Variants in NEGR1 observed in about 807,000 individuals in gnomAD.
The protein encoded by NEGR1 is neuronal growth regulator 1.
Under a neutral mutation model 40.9 loss-of-function variants are expected in NEGR1, and 10 were observed. The observed-to-expected ratio is 0.24, with a 90% confidence interval of 0.15 to 0.42. The LOEUF is 0.42. Ranked by LOEUF, NEGR1 falls within the 10% of genes least tolerant of loss-of-function variation. The pLI, the probability that NEGR1 is intolerant of heterozygous loss-of-function variation, is 1.00. For synonymous variants in NEGR1, 185 were observed against 166.8 expected, an observed-to-expected ratio of 1.11 and a Z score of -0.84; for missense variants, 352 against 438.9, an observed-to-expected ratio of 0.80 and a Z score of 1.77.
At chr1:72,015,085 AT>A (rs1646696935) in intron 1 of NEGR1, among the ~76,000 whole-genome samples, 2 of 146,888 alleles carry the variant, frequency 1.4e-5, no homozygotes, top group Admixed American at 1.4e-4. Flanking sequence ...TATTACTGAT[AT>A]TCAGAAAAAA....
chr1:71,977,214 T>C (rs1181804942), intron 1 of NEGR1, among the ~76,000 whole-genome samples: 1 of 152,032 alleles, frequency 6.6e-6, no homozygotes, highest in Non-Finnish European at 1.5e-5. Flanking sequence ...TAATCCAAGC[T>C]ACTTGGGAGG....
At chr1:71,668,956 A>G (rs768527689) in intron 4 of NEGR1, among the ~76,000 whole-genome samples, 107 of 152,168 alleles carry the variant, frequency 7.0e-4, no homozygotes, top group Non-Finnish European at 1.5e-3. Flanking sequence ...TTTGCTTGTT[A>G]TATCATTTAT....
At chr1:71,987,216 T>C (rs1405902001) in intron 1 of NEGR1, among the ~76,000 whole-genome samples, 1 of 152,216 alleles carries the variant, frequency 6.6e-6, no homozygotes, top group Non-Finnish European at 1.5e-5. Context: ...CTGTATGTTC[T>C]ATAACCTTCA....
At chr1:71,598,718 A>G (rs1649821404) in intron 5 of NEGR1, among the ~76,000 whole-genome samples, 1 of 152,222 alleles carries the variant, frequency 6.6e-6, no homozygotes, top group Non-Finnish European at 1.5e-5. Flanking sequence ...GAAAAATGCA[A>G]CCTATCCAAA....
chr1:71,475,791 T>C (rs1646815795), intron 6 of NEGR1, among the ~76,000 whole-genome samples: 1 of 152,074 alleles, frequency 6.6e-6, no homozygotes, highest in Admixed American at 6.6e-5. Flanking sequence ...TATTCCTTCT[T>C]TCTCTCTGGC....
chr1:72,197,199 G>T (rs1653032173), intron 1 of NEGR1, among the ~76,000 whole-genome samples: 1 of 151,844 alleles, frequency 6.6e-6, no homozygotes. Context: ...AAATAAATAA[G>T]TCCTAAAAGT....
At chr1:72,105,307 C>T (rs1371901559) in intron 1 of NEGR1, among the ~76,000 whole-genome samples, 2 of 151,988 alleles carry the variant, frequency 1.3e-5, no homozygotes, top group African/African-American at 4.8e-5. Context: ...ATGTTTCTTC[C>T]TTCACACTTC....
At chr1:72,194,069 T>C (rs1652915742) in intron 1 of NEGR1, among the ~76,000 whole-genome samples, 1 of 151,880 alleles carries the variant, frequency 6.6e-6, no homozygotes, top group African/African-American at 2.4e-5. Context: ...TATTAAAATT[T>C]AAAGAGCATA....
chr1:71,811,200 A>G (rs1389453923), intron 2 of NEGR1, among the ~76,000 whole-genome samples: 1 of 152,148 alleles, frequency 6.6e-6, no homozygotes, highest in Non-Finnish European at 1.5e-5. Context: ...ATGACGAAAT[A>G]TTAAAAGCAA....
intron 1 of NEGR1, among the ~76,000 whole-genome samples, chr1:72,063,538 T>G (rs1401625964): frequency 2.0e-5 from 3 of 151,910 alleles, no homozygotes; most frequent in African/African-American, 7.2e-5. Context: ...GTACTGGAAA[T>G]AACAGTGACT....
At chr1:71,748,138 G>A (rs1343266700) in intron 3 of NEGR1, among the ~76,000 whole-genome samples, 2 of 152,126 alleles carry the variant, frequency 1.3e-5, no homozygotes. Flanking sequence ...CTGCTCAACA[G>A]TACAAGGTAA....
intron 4 of NEGR1, among the ~76,000 whole-genome samples, chr1:71,678,340 A>G (rs555373345): frequency 6.6e-6 from 1 of 152,308 alleles, no homozygotes; most frequent in East Asian, 1.9e-4. Context: ...TCTCTTTACT[A>G]CTTTACAATG....
intron 6 of NEGR1, among the ~76,000 whole-genome samples, chr1:71,431,219 T>C (rs1237982072): frequency 6.6e-6 from 1 of 152,048 alleles, no homozygotes; most frequent in Non-Finnish European, 1.5e-5. Flanking sequence ...AAAATGTATC[T>C]GGAAATACCA....
chr1:72,073,078 C>A lies in NEGR1; in HGVS notation c.177-137767G>T, dbSNP rs558107696. Among the ~76,000 whole-genome samples, 104 of 152,170 alleles carry A rather than the reference C, an allele frequency of 6.8e-4. 4 individuals carry two copies. In the South Asian group the frequency reaches 0.02, roughly 29 times the overall value. On this transcript the variant is annotated intron_variant, in intron 1 of 6. Coordinates refer to ENST00000357731, the MANE Select transcript of NEGR1 (RefSeq NM_173808.3). ...ACCTATGTGAGGGAGGAAAAGGATG[C>A]AGGATTGAGTCAAGGGAGAATGTGA...
chr1:71,869,224 G>T (rs958546135), intron 2 of NEGR1, among the ~76,000 whole-genome samples: 1 of 152,088 alleles, frequency 6.6e-6, no homozygotes, highest in Non-Finnish European at 1.5e-5. Flanking sequence ...TTAGAGGAAG[G>T]AATTCTAGAT....
chr1:72,064,111 A>G (rs765481126), intron 1 of NEGR1, among the ~76,000 whole-genome samples: 2 of 152,116 alleles, frequency 1.3e-5, no homozygotes, highest in Middle Eastern at 3.4e-3. Context: ...TTTTACTCAG[A>G]ATCATACTGG....
chr1:71,745,841 A>T (rs1655364095), intron 3 of NEGR1, among the ~76,000 whole-genome samples: 1 of 152,176 alleles, frequency 6.6e-6, no homozygotes, highest in Admixed American at 6.6e-5. Context: ...CCAACCATAA[A>T]GCCTAAAAAT....
chr1:71,660,437 A>C (rs2101589939), intron 4 of NEGR1, among the ~76,000 whole-genome samples: 1 of 152,250 alleles, frequency 6.6e-6, no homozygotes, highest in East Asian at 1.9e-4. Flanking sequence ...ACACGTGTTT[A>C]CCTATATAAC....
At chr1:71,873,878 G>A (rs1258329694) in intron 2 of NEGR1, among the ~76,000 whole-genome samples, 1 of 152,114 alleles carries the variant, frequency 6.6e-6, no homozygotes, top group Non-Finnish European at 1.5e-5. Context: ...GTTGTGTTGG[G>A]CTTTGAACAT....
Sources: gnomAD v4.1 joint callset for allele counts (sites outside exome capture counted in the v4.1 genomes callset) on GRCh38, gnomAD v4.1.1 for gene constraint, MANE v1.5 for transcripts, NCBI Gene and HGNC (gene_info 2026-07-23, HGNC 2026-07-21) for gene names.